AFF4: variants seen among roughly 807,000 people sequenced by gnomAD.
AFF4 encodes ALF transcription elongation factor 4, also known as AF4/FMR2 family member 4.
Under a neutral mutation model 124.8 loss-of-function variants are expected in AFF4, and 13 were observed. That is an observed-to-expected ratio of 0.10 (90% CI 0.07 to 0.17). The LOEUF is 0.17. AFF4 is among the 10% of genes least tolerant of loss of function. The pLI, the probability that AFF4 is intolerant of heterozygous loss-of-function variation, is 1.00. For synonymous variants in AFF4, 477 were observed against 496.1 expected, an observed-to-expected ratio of 0.96 and a Z score of 0.51; for missense variants, 1,092 against 1,403.8, an observed-to-expected ratio of 0.78 and a Z score of 3.55.
chr5:132,885,972 C>G (rs1373707014), intron 18 of AFF4, among the ~76,000 whole-genome samples: 1 of 152,108 alleles, frequency 6.6e-6, no homozygotes, highest in Non-Finnish European at 1.5e-5. Flanking sequence ...TGGGGTTTCA[C>G]CATGTTGGCC....
rs921405657 is a variant in AFF4, at chr5:132,932,157, GA to G, written c.963+20del. ...CATAAAAAATTAAAGAAATTGAAAT[GA>G]TTTTTTTTAAAAAACTTACTTTTAG... On this transcript the variant is annotated intron_variant, in intron 4 of 20. Transcript: ENST00000265343. The G allele has an allele frequency of 2.6e-6, 4 of 1,512,128 alleles. No individual in the cohort carries two copies. Among genetic ancestry groups the G allele is most frequent in the South Asian group, 1.2e-5 (1 of 80,448 alleles). The allele number at this position is 1,512,128 out of a possible 1,614,324, so 93.7% of individuals were successfully genotyped here.
At chr5:132,909,123 CTTTTT>C (rs34141962) in intron 5 of AFF4, among the ~76,000 whole-genome samples, 4 of 112,806 alleles carry the variant, frequency 3.5e-5, no homozygotes, top group African/African-American at 7.0e-5. Flanking sequence ...AAAACATCAT[CTTTTT>C]TTTTTTTTTT....
chr5:132,889,056 T>C lies in AFF4; in HGVS notation c.2732+23A>G, dbSNP rs771897288. Reference sequence around the variant, plus strand: ...ACTGGAATCATTTCTTAAATACAGATACAAAAAATCATATTATCTCACCTG... The same window carrying C: ...ACTGGAATCATTTCTTAAATACAGACACAAAAAATCATATTATCTCACCTG... On this transcript the variant is annotated intron_variant, in intron 14 of 20. Coordinates refer to ENST00000265343, the MANE Select transcript of AFF4 (RefSeq NM_014423.4). 7 of 1,582,622 alleles carry C rather than the reference T, an allele frequency of 4.4e-6. No homozygotes were observed. The East Asian group carries it at 8.9e-5, about 20-fold the overall frequency.
In AFF4 at chr5:132,954,404, G is replaced by C. The variant is rs552606054; in HGVS notation, c.-5+8855C>G. Among the ~76,000 whole-genome samples, 5 of 152,316 alleles carry C rather than the reference G, an allele frequency of 3.3e-5. 1 individual carries two copies. In the South Asian group the frequency reaches 1.0e-3, roughly 32 times the overall value. On this transcript the variant is annotated intron_variant, in intron 1 of 20. Coordinates refer to ENST00000265343, the MANE Select transcript of AFF4 (RefSeq NM_014423.4). ...ACCTGCCATGCTCAAACCCCTTGTG[G>C]GAGGGGGAGCACACAGGGTGAGTGG... is the stretch of plus-strand genomic sequence containing the variant.
chr5:132,937,613 C>A (rs1761463380), intron 1 of AFF4: 2 of 153,132 alleles, frequency 1.3e-5, no homozygotes, highest in Admixed American at 1.3e-4. Context: ...CACCCTTCCC[C>A]CCAGGGTCCA....
chr5:132,918,303 G>A (rs952876558), intron 5 of AFF4, among the ~76,000 whole-genome samples: 1 of 151,894 alleles, frequency 6.6e-6, no homozygotes, highest in Non-Finnish European at 1.5e-5. Context: ...TGAGGCTACA[G>A]TGAGCCAAGA....
chr5:132,924,732 G>C (rs993282933), intron 5 of AFF4, among the ~76,000 whole-genome samples: 5 of 151,828 alleles, frequency 3.3e-5, no homozygotes, highest in African/African-American at 1.2e-4. Flanking sequence ...GCGTGTGCCT[G>C]TAATCTCAGC....
Position 132,899,379 on chromosome 5 carries a change from T to C in AFF4, c.1188+208A>G, listed in dbSNP as rs1760490759. Among the ~76,000 whole-genome samples, 2 of 152,076 alleles carry C rather than the reference T, an allele frequency of 1.3e-5. 1 individual carries two copies. The highest frequency in any genetic ancestry group is 4.1e-4 in the South Asian group (2 of 4,832). Reference sequence around the variant, plus strand: ...TGCTTCATGAGTATGTTTTGATCCATAATAAATGTTGAGGAAAACCCAATT... The same window carrying C: ...TGCTTCATGAGTATGTTTTGATCCACAATAAATGTTGAGGAAAACCCAATT... On this transcript the variant is annotated intron_variant, in intron 8 of 20. Transcript: ENST00000265343.
intron 1 of AFF4, among the ~76,000 whole-genome samples, chr5:132,947,296 G>A (rs1049138565): frequency 1.3e-5 from 2 of 151,980 alleles, no homozygotes; most frequent in Admixed American, 6.6e-5. Flanking sequence ...CCAGCTACTC[G>A]GGAGGCTGAG....
chr5:132,922,910 C>T (rs1234881402), intron 5 of AFF4, among the ~76,000 whole-genome samples: 1 of 147,068 alleles, frequency 6.8e-6, no homozygotes, highest in Non-Finnish European at 1.5e-5. Context: ...GGCACAGTGG[C>T]TCACATCTGT....
chr5:132,921,413 G>C (rs182394909), intron 5 of AFF4, among the ~76,000 whole-genome samples: 1 of 151,122 alleles, frequency 6.6e-6, no homozygotes, highest in Non-Finnish European at 1.5e-5. Context: ...CCATTGGCAG[G>C]AATAAAAAAT....
At position 132,876,098 on chromosome 5, in the gene AFF4, T is replaced by A. The variant is rs1039861676; in HGVS notation, c.*4961A>T. 6.1e-5 allele frequency: 14 copies of A among 229,512 alleles called. No individual in the cohort carries two copies. Among genetic ancestry groups the A allele is most frequent in the Non-Finnish European group, 1.0e-4 (12 of 115,834 alleles). The allele number at this position is 229,512 out of a possible 1,614,324, so 14.2% of individuals were successfully genotyped here. A position where few individuals can be genotyped will look rare whatever the true frequency, so the allele number is the denominator to read the frequency against. ...AAAACCATTCAAAACGGAGGCTAGA[T>A]AGAAATTTTCATAACTGTGCTTACC... On this transcript the variant is annotated 3_prime_UTR_variant, in exon 21 of 21. Coordinates refer to ENST00000265343, the MANE Select transcript of AFF4 (RefSeq NM_014423.4).
At chr5:132,882,971 G>A (rs558327525) in intron 20 of AFF4, among the ~76,000 whole-genome samples, 1 of 151,686 alleles carries the variant, frequency 6.6e-6, no homozygotes, top group Admixed American at 6.6e-5. Flanking sequence ...AACCTTCTCA[G>A]ATGTACAGAT....
At chr5:132,912,761 G>T (rs922440330) in intron 5 of AFF4, among the ~76,000 whole-genome samples, 49 of 151,824 alleles carry the variant, frequency 3.2e-4, no homozygotes, top group African/African-American at 1.2e-3. Flanking sequence ...CAGATTCTAC[G>T]ACGGGAGAAA....
At chr5:132,940,147 T>G (rs1475649033) in intron 1 of AFF4, among the ~76,000 whole-genome samples, 3 of 150,992 alleles carry the variant, frequency 2.0e-5, no homozygotes, top group African/African-American at 7.3e-5. Flanking sequence ...TTGCAGTGAG[T>G]CAAGATCGCA....
chr5:132,951,235 A>G (rs1009446708), intron 1 of AFF4, among the ~76,000 whole-genome samples: 1 of 152,108 alleles, frequency 6.6e-6, no homozygotes, highest in South Asian at 2.1e-4. Flanking sequence ...AAAAAAAAAA[A>G]AAGTCTTCAT....
intron 6 of AFF4, 98 bp downstream of exon 6, chr5:132,904,270 T>C (rs1760620597): frequency 2.9e-6 from 3 of 1,041,940 alleles, no homozygotes; most frequent in African/African-American, 3.3e-5. Context: ...GGATATGACA[T>C]GTAAAGGTAT....
chr5:132,962,727 G>T (rs560855560), intron 1 of AFF4, among the ~76,000 whole-genome samples: 6 of 151,914 alleles, frequency 3.9e-5, no homozygotes, highest in African/African-American at 7.2e-5. Context: ...TGTAGGGGAG[G>T]GTATTCGAGT....
chr5:132,949,701 C>A (rs1043053095), intron 1 of AFF4, among the ~76,000 whole-genome samples: 2 of 94,138 alleles, frequency 2.1e-5, no homozygotes, highest in East Asian at 2.7e-4. Context: ...CACACACACA[C>A]GCGCGCGCGC....
Sources: gnomAD v4.1 joint callset for allele counts (sites outside exome capture counted in the v4.1 genomes callset) on GRCh38, gnomAD v4.1.1 for gene constraint, MANE v1.5 for transcripts, NCBI Gene and HGNC (gene_info 2026-07-23, HGNC 2026-07-21) for gene names.